KCNT2: variants seen among roughly 807,000 people sequenced by gnomAD.
The protein encoded by KCNT2 is potassium sodium-activated channel subfamily T member 2, also known as potassium channel subfamily T member 2.
Under a neutral mutation model 153.8 loss-of-function variants are expected in KCNT2, and 67 were observed. The observed-to-expected ratio is 0.44, with a 90% CI of 0.36 to 0.53. The LOEUF is 0.53. Ranked by LOEUF, KCNT2 falls within the 20% of genes least tolerant of loss-of-function variation. The pLI is 0.00. For missense variants in KCNT2, 975 were observed against 1,354.8 expected (o/e 0.72, Z 4.40); for synonymous variants, 500 against 458.8 (o/e 1.09, Z -1.15).
At chr1:196,582,852 A>G (rs1449416130) in intron 1 of KCNT2, among the ~76,000 whole-genome samples, 2 of 152,146 alleles carry the variant, frequency 1.3e-5, no homozygotes, top group African/African-American at 4.8e-5. Flanking sequence ...CATAAAATAC[A>G]GAAGATAATA....
At chr1:196,394,127 G>A (rs537315942) in intron 13 of KCNT2, among the ~76,000 whole-genome samples, 6 of 151,634 alleles carry the variant, frequency 4.0e-5, no homozygotes, top group African/African-American at 1.4e-4. Flanking sequence ...ATGATATTGT[G>A]AGAGGGTATT....
In KCNT2 at chr1:196,284,248, A is replaced by AAATATAT; in HGVS notation, c.2697+1408_2697+1409insATATATT. Among the ~76,000 whole-genome samples the AAATATAT allele has an allele frequency of 3.9e-3, 39 of 10,048 alleles. 4 individuals carry two copies. The highest frequency in any genetic ancestry group is 0.013 in the Non-Finnish European group (24 of 1,880). 6.6% of individuals were successfully genotyped at this position (10,048 alleles called of 152,430 possible). A position where few individuals can be genotyped will look rare whatever the true frequency, so the allele number is the denominator to read the frequency against. ...TCTGTCTTAAAAAAAAAAAAAAAAAAATATATATATATATATATATATATA... is the reference window on the plus strand; with the variant it reads ...TCTGTCTTAAAAAAAAAAAAAAAAAAAATATATATATATATATATATATATATATATA... On this transcript the variant is annotated intron_variant, in intron 23 of 27. Coordinates refer to ENST00000294725, the MANE Select transcript of KCNT2 (RefSeq NM_198503.5).
chr1:196,329,298 C>T (rs1327430760), intron 18 of KCNT2, among the ~76,000 whole-genome samples: 2 of 152,084 alleles, frequency 1.3e-5, no homozygotes, highest in Non-Finnish European at 2.9e-5. Flanking sequence ...CTAATGCTAC[C>T]TAAATAACCA....
intron 12 of KCNT2, among the ~76,000 whole-genome samples, chr1:196,408,006 T>C (rs1338289633): frequency 6.6e-6 from 1 of 151,326 alleles, no homozygotes; most frequent in Non-Finnish European, 1.5e-5. Flanking sequence ...TTTTAGAAAA[T>C]TTTCCATTAT....
intron 13 of KCNT2, among the ~76,000 whole-genome samples, chr1:196,389,846 C>A (rs1210830232): frequency 6.6e-6 from 1 of 151,592 alleles, no homozygotes; most frequent in East Asian, 1.9e-4. Context: ...GTCTTACTAG[C>A]AAACTATGTA....
intron 8 of KCNT2, 129 bp downstream of exon 8, chr1:196,465,164 A>G: frequency 1.7e-6 from 1 of 592,356 alleles, no homozygotes; most frequent in East Asian, 2.9e-5. Flanking sequence ...GCGATCTGTT[A>G]CATTTTTTGG....
intron 22 of KCNT2, among the ~76,000 whole-genome samples, chr1:196,297,171 G>C (rs779453884): frequency 2.0e-4 from 31 of 151,560 alleles, no homozygotes; most frequent in Non-Finnish European, 3.1e-4. Context: ...TTTATGAAAA[G>C]ACAATTGTTG....
chr1:196,305,814 T>G (rs1196454823), intron 21 of KCNT2, among the ~76,000 whole-genome samples: 1 of 152,174 alleles, frequency 6.6e-6, no homozygotes, highest in Non-Finnish European at 1.5e-5. Context: ...TGTCAAATCT[T>G]GCTACAACAA....
In KCNT2 at chr1:196,357,324, C is replaced by T. The variant is rs565636360; in HGVS notation, c.1404-15096G>A. ...CAGAAAGAATGTTCAAATAATTTCTCTTTACTTACTGACTACTTATTGCTC... is the reference window on the plus strand; with the variant it reads ...CAGAAAGAATGTTCAAATAATTTCTTTTTACTTACTGACTACTTATTGCTC... On this transcript the variant is annotated intron_variant, in intron 14 of 27. Transcript: ENST00000294725. Among the ~76,000 whole-genome samples the T allele has an allele frequency of 2.0e-5, 3 of 152,014 alleles. No homozygotes were observed. The South Asian group carries it at 6.2e-4, about 32-fold the overall frequency.
intron 1 of KCNT2, among the ~76,000 whole-genome samples, chr1:196,511,465 C>A (rs1041548244): frequency 2.0e-5 from 3 of 152,096 alleles, no homozygotes; most frequent in Non-Finnish European, 1.5e-5. Flanking sequence ...ATGTTACAGG[C>A]ACTTAGCTGT....
chr1:196,547,686 A>G (rs1206019582), intron 1 of KCNT2, among the ~76,000 whole-genome samples: 1 of 151,948 alleles, frequency 6.6e-6, no homozygotes, highest in Non-Finnish European at 1.5e-5. Context: ...ATATCTACAT[A>G]TAAATGTAGA....
intron 26 of KCNT2, among the ~76,000 whole-genome samples, chr1:196,248,476 G>A (rs1489307269): frequency 6.6e-6 from 1 of 151,980 alleles, no homozygotes; most frequent in Admixed American, 6.6e-5. Flanking sequence ...AACTGATACT[G>A]CAGAAATACA....
At chr1:196,234,198 A>G (rs1348693489) in intron 27 of KCNT2, among the ~76,000 whole-genome samples, 5 of 151,312 alleles carry the variant, frequency 3.3e-5, no homozygotes, top group African/African-American at 1.2e-4. Context: ...ATATCAATAA[A>G]CTTAATTAAT....
intron 13 of KCNT2, among the ~76,000 whole-genome samples, chr1:196,392,015 C>G (rs1250691860): frequency 2.0e-5 from 3 of 151,098 alleles, no homozygotes; most frequent in Admixed American, 1.3e-4. Context: ...TATTATTGAC[C>G]ATTTTAGGGG....
chr1:196,288,849 T>G (rs1659918751), intron 22 of KCNT2, among the ~76,000 whole-genome samples: 1 of 152,030 alleles, frequency 6.6e-6, no homozygotes, highest in Non-Finnish European at 1.5e-5. Flanking sequence ...AAAATATGGA[T>G]CATACAGGCA....
chr1:196,444,565 T>A (rs1048638460), intron 8 of KCNT2, among the ~76,000 whole-genome samples: 1 of 151,298 alleles, frequency 6.6e-6, no homozygotes, highest in Admixed American at 6.6e-5. Context: ...TTAATAAAAT[T>A]TTTCATCAAA....
intron 16 of KCNT2, among the ~76,000 whole-genome samples, chr1:196,335,255 A>G (rs1314146784): frequency 6.6e-6 from 1 of 152,142 alleles, no homozygotes; most frequent in Non-Finnish European, 1.5e-5. Context: ...AAAGGGGGAT[A>G]TGTTCTGAGA....
At chr1:196,248,270 A>T (rs534132749) in intron 26 of KCNT2, among the ~76,000 whole-genome samples, 1 of 152,190 alleles carries the variant, frequency 6.6e-6, no homozygotes, top group East Asian at 1.9e-4. Flanking sequence ...TAAACCAAAA[A>T]TAGTAGAAAA....
Position 196,331,382 on chromosome 1 carries a change from T to C in KCNT2, c.1998-121A>G. The C allele has an allele frequency of 4.5e-6, 3 of 666,672 alleles. No homozygotes were observed. The South Asian group carries it at 5.2e-5, about 12-fold the overall frequency. 41.3% of individuals were successfully genotyped at this position (666,672 alleles called of 1,614,324 possible). ...CAATACCTCTGTGTTGCAATTATATTTTGATAAAGAGGTAGTTAAGAAGAG... is the reference window on the plus strand; with the variant it reads ...CAATACCTCTGTGTTGCAATTATATCTTGATAAAGAGGTAGTTAAGAAGAG... On this transcript the variant is annotated intron_variant, in intron 17 of 27. Coordinates refer to ENST00000294725, the MANE Select transcript of KCNT2 (RefSeq NM_198503.5).
Sources: allele counts gnomAD v4.1 joint callset (sites outside exome capture counted in the v4.1 genomes callset), GRCh38; gene constraint gnomAD v4.1.1; transcripts MANE v1.5; gene names NCBI Gene and HGNC (gene_info 2026-07-23, HGNC 2026-07-21).